Variants in SEMA5B observed in about 807,000 individuals in gnomAD.
The protein encoded by SEMA5B is semaphorin 5B, also known as semaphorin-5B.
In SEMA5B, 66 loss-of-function variants were observed where a neutral mutation model predicts 135.0. That is an observed-to-expected ratio of 0.49 (90% CI 0.40 to 0.60). The LOEUF (loss-of-function observed/expected upper bound fraction) is 0.60, where lower values mean the gene tolerates loss of function less well. Ranked by LOEUF, SEMA5B falls within the 20% of genes least tolerant of loss-of-function variation. The probability of loss-of-function intolerance (pLI) is 0.00; values close to 1 mark genes in which losing one functional copy is unlikely to be tolerated. For missense variants in SEMA5B, 1,501 were observed against 1,566.3 expected (o/e 0.96, Z 0.70); for synonymous variants, 690 against 639.5 (o/e 1.08, Z -1.19).
At chr3:122,968,183 C>T (rs1167753846) in intron 1 of SEMA5B, among the ~76,000 whole-genome samples, 1 of 152,242 alleles carries the variant, frequency 6.6e-6, no homozygotes, top group Admixed American at 6.5e-5. Context: ...CTCAGAGACT[C>T]ACAGAGTATT....
In SEMA5B at chr3:122,961,243, C is replaced by T. The variant is rs534299303; in HGVS notation, c.21G>A (p.Pro7=). 3.8e-5 allele frequency: 61 copies of T among 1,614,020 alleles called. No individual in the cohort carries two copies. Among genetic ancestry groups the T allele is most frequent in the South Asian group, 8.8e-5 (8 of 91,070 alleles). The change falls in exon 2 of 23, where the codon CCG becomes CCA. Residue 7 remains proline (P), a synonymous_variant. Transcript: ENST00000357599. ...GGACGAGGTGGTGGGCAACAGGAGA[C>T]GGACTGAAGCCACAGGGCATCCAAG... MPCGFS[P]SPVAHHLVPG... is the part of the protein sequence containing the mutation.
intron 1 of SEMA5B, among the ~76,000 whole-genome samples, chr3:122,972,653 G>C (rs553341902): frequency 6.6e-6 from 1 of 152,228 alleles, no homozygotes; most frequent in African/African-American, 2.4e-5. Context: ...GGTAAGAGCT[G>C]TTGGGATGCT....
At chr3:122,969,459 C>T (rs536735636) in intron 1 of SEMA5B, among the ~76,000 whole-genome samples, 1 of 152,206 alleles carries the variant, frequency 6.6e-6, no homozygotes, top group South Asian at 2.1e-4. Context: ...GAGCTTCCTC[C>T]CTGCGTCCTA....
chr3:122,912,227 G>T lies in SEMA5B; in HGVS notation c.2841C>A (p.Asp947Glu), dbSNP rs1035155451. The T allele has an allele frequency of 3.7e-6, 6 of 1,611,008 alleles. No homozygotes were observed. Among genetic ancestry groups the T allele is most frequent in the Non-Finnish European group, 4.2e-6 (5 of 1,178,226 alleles). ...CCTCCGTGTGCAGCCCGAGACAGATGTCCTCACCTGGGGAGGGTGCGGGGC... is the reference window on the plus strand; with the variant it reads ...CCTCCGTGTGCAGCCCGAGACAGATTTCCTCACCTGGGGAGGGTGCGGGGC... ...CTSPAPSPGE[D>E]ICLGLHTEEA... The change falls in exon 19 of 23, where the codon GAC (aspartate) becomes GAA (glutamate). Residue 947 changes from aspartate (D) to glutamate (E), a missense_variant. Coordinates refer to ENST00000357599, the MANE Select transcript of SEMA5B (RefSeq NM_001031702.4).
In SEMA5B at chr3:122,948,634, A is replaced by T; in HGVS notation, c.200T>A (p.Val67Asp). The T allele has an allele frequency of 6.2e-7, 1 of 1,613,928 alleles. No homozygotes were observed. Among genetic ancestry groups the T allele is most frequent in the South Asian group, 1.1e-5 (1 of 91,032 alleles). ...PIMVLAGPLA[V>D]SLLLPSLTLL... ...TGTGAGGCTGGGCAGCAACAGCGAG[A>T]CAGCCAGGGGGCCTGCAAGCACCAT... The change falls in exon 3 of 23, where the codon GTC becomes GAC. Residue 67 changes from valine (V) to aspartate (D), a missense_variant. Val to Asp is a radical substitution (Grantham distance 152, BLOSUM62 -3). This residue lies in a region of SEMA5B where 574 missense variants were observed against 684.7 expected (regional missense o/e 0.84). Transcript: ENST00000357599.
chr3:122,916,918 T>G (rs1938102452), intron 12 of SEMA5B, among the ~76,000 whole-genome samples: 1 of 152,246 alleles, frequency 6.6e-6, no homozygotes, highest in African/African-American at 2.4e-5. Context: ...CACACACTGA[T>G]GCATGCCCCA....
intron 1 of SEMA5B, among the ~76,000 whole-genome samples, chr3:123,017,101 G>C (rs986119308): frequency 6.6e-6 from 1 of 151,760 alleles, no homozygotes; most frequent in East Asian, 1.9e-4. Flanking sequence ...CTGTTAGCCA[G>C]GATGGTCTTG....
intron 5 of SEMA5B, among the ~76,000 whole-genome samples, chr3:122,936,513 C>T (rs1560325227): frequency 6.6e-6 from 1 of 152,208 alleles, no homozygotes; most frequent in Non-Finnish European, 1.5e-5. Context: ...ATGTGCAGAA[C>T]AGTCCTCGTT....
rs1453109384 is a variant in SEMA5B, at chr3:122,910,871, T to C, written c.3266A>G (p.Lys1089Arg). ...HLHYKGGGTP[K>R]NEKYTPMEFK... ...TTCCATGGGTGTGTACTTTTCATTC[T>C]TCGGGGTGCCTCCGCCCTTGTAGTG... Residue 1089 changes from lysine (K) to arginine (R), a missense_variant, in exon 22 of 23, where the codon AAG becomes AGG. Around this residue, in one of 2 missense-constraint regions of SEMA5B, gnomAD observed 927 missense variants for 881.6 expected, o/e 1.05. Transcript: ENST00000357599. The C allele has an allele frequency of 6.2e-7, 1 of 1,612,622 alleles. No homozygotes were observed.
At chr3:122,986,629 T>C (rs1042562077) in intron 1 of SEMA5B, among the ~76,000 whole-genome samples, 1 of 132,658 alleles carries the variant, frequency 7.5e-6, no homozygotes. Context: ...GTGTGTGGTG[T>C]GTAAGTGTGC....
At chr3:122,932,551 CG>C (rs1219819704) in intron 5 of SEMA5B, among the ~76,000 whole-genome samples, 1 of 152,058 alleles carries the variant, frequency 6.6e-6, no homozygotes, top group Non-Finnish European at 1.5e-5. Context: ...TGACATCCCA[CG>C]GGAATAAGGG....
chr3:122,931,134 C>T (rs561833654), intron 5 of SEMA5B, among the ~76,000 whole-genome samples: 3 of 152,118 alleles, frequency 2.0e-5, no homozygotes, highest in Middle Eastern at 3.4e-3. Flanking sequence ...ATTAAAACTC[C>T]GACGACCCAC....
chr3:123,000,930 T>C (rs1024053396), intron 1 of SEMA5B, among the ~76,000 whole-genome samples: 2 of 151,984 alleles, frequency 1.3e-5, no homozygotes, highest in Non-Finnish European at 2.9e-5. Flanking sequence ...AGGCGAGAAA[T>C]AAGGATGAAG....
In SEMA5B at chr3:122,948,561, G is replaced by A; in HGVS notation, c.273C>T (p.Pro91=). The change falls in exon 3 of 23, where the codon CCC becomes CCT. Residue 91 remains proline, a synonymous_variant. Coordinates refer to ENST00000357599, the MANE Select transcript of SEMA5B (RefSeq NM_001031702.4). ...LSSSQDVSSE[P]SSEQQLCALS... ...GGGCGCACAGCTGCTGCTCACTGCT[G>A]GGCTCACTGGAGACATCCTGGGAGC... is the stretch of plus-strand genomic sequence containing the variant. The A allele has an allele frequency of 6.2e-7, 1 of 1,613,408 alleles. No individual in the cohort carries two copies. The highest frequency in any genetic ancestry group is 8.5e-7 in the Non-Finnish European group (1 of 1,179,568).
At chr3:122,980,918 G>A (rs959070515) in intron 1 of SEMA5B, among the ~76,000 whole-genome samples, 4 of 152,196 alleles carry the variant, frequency 2.6e-5, no homozygotes, top group Non-Finnish European at 5.9e-5. Context: ...TACAGTATTT[G>A]CCCTTTTGTG....
chr3:123,009,509 GTA>G (rs1237251958), intron 1 of SEMA5B, among the ~76,000 whole-genome samples: 1 of 151,346 alleles, frequency 6.6e-6, no homozygotes, highest in Non-Finnish European at 1.5e-5. Flanking sequence ...CCGTTCACAT[GTA>G]TGTGTGTGTG....
At chr3:122,916,351 T>C (rs1938074959) in intron 12 of SEMA5B, among the ~76,000 whole-genome samples, 1 of 152,166 alleles carries the variant, frequency 6.6e-6, no homozygotes, top group East Asian at 1.9e-4. Flanking sequence ...GAAAAAGCCT[T>C]ACAGATGGTT....
At chr3:122,911,618 A>G in intron 20 of SEMA5B, 83 bp from the exon 21 acceptor site, 1 of 1,405,322 alleles carries the variant, frequency 7.1e-7, no homozygotes, top group Non-Finnish European at 9.7e-7. Context: ...GCCTGGGAGG[A>G]CCTCTAGGTC....
chr3:122,995,529 G>A (rs1430199911), intron 1 of SEMA5B, among the ~76,000 whole-genome samples: 1 of 152,190 alleles, frequency 6.6e-6, no homozygotes, highest in Non-Finnish European at 1.5e-5. Context: ...GGCTGGCCTG[G>A]GCCACACATG....
Sources: allele counts gnomAD v4.1 joint callset (sites outside exome capture counted in the v4.1 genomes callset), GRCh38; gene constraint gnomAD v4.1.1; regional missense constraint gnomAD v4.1.1; transcripts MANE v1.5; gene names NCBI Gene and HGNC (gene_info 2026-07-23, HGNC 2026-07-21).